Variants in KIF16B observed in about 807,000 individuals in gnomAD.
The protein encoded by KIF16B is kinesin-like protein KIF16B.
A neutral mutation model predicts 156.3 loss-of-function variants in KIF16B; 98 were observed. The ratio of observed to expected loss-of-function variants is 0.63; its 90% CI spans 0.53 to 0.74. The LOEUF (loss-of-function observed/expected upper bound fraction) is 0.74, where lower values mean the gene tolerates loss of function less well. KIF16B is among the 30% of genes least tolerant of loss of function. The pLI is 0.00. For synonymous variants in KIF16B, 564 were observed against 583.7 expected, an observed-to-expected ratio of 0.97 and a Z score of 0.49; for missense variants, 1,421 against 1,606.5, an observed-to-expected ratio of 0.88 and a Z score of 1.97.
chr20:16,394,954 C>T (rs1050483473), intron 17 of KIF16B, among the ~76,000 whole-genome samples: 2 of 151,718 alleles, frequency 1.3e-5, no homozygotes, highest in South Asian at 2.1e-4. Context: ...GTGCATTCCC[C>T]TTAGTTCATG....
At chr20:16,562,201 T>C (rs1268954629) in intron 1 of KIF16B, among the ~76,000 whole-genome samples, 1 of 152,226 alleles carries the variant, frequency 6.6e-6, no homozygotes, top group Non-Finnish European at 1.5e-5. Context: ...AAGAGTATTC[T>C]GCCCTATAAA....
intron 25 of KIF16B, among the ~76,000 whole-genome samples, chr20:16,279,256 CA>C (rs2063110076): frequency 6.6e-6 from 1 of 152,160 alleles, no homozygotes; most frequent in South Asian, 2.1e-4. Flanking sequence ...ACCTTACAGC[CA>C]AAGAGCTAAT....
At chr20:16,363,918 G>A (rs2064603229) in intron 22 of KIF16B, among the ~76,000 whole-genome samples, 5 of 152,196 alleles carry the variant, frequency 3.3e-5, no homozygotes. Context: ...ATGAGGCAGA[G>A]TTGTCTAAGC....
At chr20:16,559,002 A>G (rs2070959342) in intron 1 of KIF16B, among the ~76,000 whole-genome samples, 2 of 151,618 alleles carry the variant, frequency 1.3e-5, no homozygotes, top group Non-Finnish European at 2.9e-5. Context: ...AGATGAAAAT[A>G]TATTTATTTT....
chr20:16,406,345 T>C (rs1293949718), intron 16 of KIF16B, 29 bp downstream of exon 16: 2 of 1,597,596 alleles, frequency 1.3e-6, no homozygotes, highest in Non-Finnish European at 8.6e-7. Flanking sequence ...CGATCAGTGG[T>C]TCCCTCCTAG....
At chr20:16,340,834 C>T (rs553954263) in intron 23 of KIF16B, among the ~76,000 whole-genome samples, 113 of 152,300 alleles carry the variant, frequency 7.4e-4, no homozygotes, top group Non-Finnish European at 9.3e-4. Flanking sequence ...ATCAACTTCT[C>T]TAATGAACTG....
chr20:16,525,776 CAT>C (rs1056572552), intron 3 of KIF16B, among the ~76,000 whole-genome samples: 8 of 152,202 alleles, frequency 5.3e-5, no homozygotes, highest in South Asian at 2.1e-4. Context: ...GCAGCATACA[CAT>C]GTCTCCCCAG....
At chr20:16,364,318 C>T (rs1221144992) in intron 22 of KIF16B, among the ~76,000 whole-genome samples, 1 of 152,196 alleles carries the variant, frequency 6.6e-6, no homozygotes, top group Admixed American at 6.5e-5. Context: ...ATTCAAAGAG[C>T]TATTGTCTAG....
At chr20:16,339,919 A>T (rs1291334817) in intron 23 of KIF16B, among the ~76,000 whole-genome samples, 2 of 151,900 alleles carry the variant, frequency 1.3e-5, no homozygotes, top group Non-Finnish European at 2.9e-5. Flanking sequence ...TCCTTCCTTC[A>T]TTTTTTTCTC....
In KIF16B at chr20:16,272,260, T is replaced by A. The variant is rs2062996202; in HGVS notation, c.*993A>T. The A allele has an allele frequency of 1.3e-5, 2 of 152,656 alleles. No homozygotes were observed. Among genetic ancestry groups the A allele is most frequent in the Admixed American group, 1.3e-4 (2 of 15,290 alleles). 9.5% of individuals were successfully genotyped at this position (152,656 alleles called of 1,614,324 possible). On this transcript the variant is annotated 3_prime_UTR_variant, in exon 26 of 26. Coordinates refer to ENST00000354981, the MANE Select transcript of KIF16B (RefSeq NM_024704.5). ...AAATCTATAGATAGAATTATATACA[T>A]TTGAGTATATACCACATACATATTT...
intron 10 of KIF16B, among the ~76,000 whole-genome samples, chr20:16,501,838 C>A (rs182306320): frequency 6.6e-6 from 1 of 152,042 alleles, no homozygotes; most frequent in Admixed American, 6.6e-5. Flanking sequence ...AGGAGAGTGG[C>A]TACCCTGGAG....
chr20:16,313,241 A>G (rs944132168), intron 24 of KIF16B, among the ~76,000 whole-genome samples: 1 of 152,176 alleles, frequency 6.6e-6, no homozygotes, highest in African/African-American at 2.4e-5. Flanking sequence ...TCAGGACCAG[A>G]CAAATTGAAG....
intron 12 of KIF16B, among the ~76,000 whole-genome samples, chr20:16,447,300 T>TA (rs147514585): frequency 6.2e-4 from 91 of 146,352 alleles, no homozygotes; most frequent in East Asian, 1.4e-3. Flanking sequence ...ATTCTGATGT[T>TA]AAAAAAAAAA....
chr20:16,560,098 A>G (rs1466321734), intron 1 of KIF16B, among the ~76,000 whole-genome samples: 1 of 152,220 alleles, frequency 6.6e-6, no homozygotes, highest in African/African-American at 2.4e-5. Flanking sequence ...AAAAAAAGAA[A>G]GAAAAGCACC....
chr20:16,573,202 G>A (rs767572801), intron 1 of KIF16B, 27 bp downstream of exon 1: 1 of 1,565,690 alleles, frequency 6.4e-7, no homozygotes, highest in South Asian at 1.2e-5. Context: ...CGCGACGAGG[G>A]GGCGGGGCGC....
chr20:16,359,750 T>C (rs1050657638), intron 22 of KIF16B, among the ~76,000 whole-genome samples: 1 of 151,678 alleles, frequency 6.6e-6, no homozygotes, highest in Non-Finnish European at 1.5e-5. Context: ...GATCTTATAA[T>C]ATTACGTAGC....
intron 24 of KIF16B, among the ~76,000 whole-genome samples, chr20:16,329,177 C>T (rs1027089830): frequency 1.3e-5 from 2 of 152,122 alleles, no homozygotes; most frequent in East Asian, 3.9e-4. Context: ...GATACTAGCT[C>T]TTCACTACTC....
At position 16,403,144 on chromosome 20, in the gene KIF16B, T is replaced by A. The variant is rs2065697518; in HGVS notation, c.1784+1669A>T. 2.0e-5 allele frequency among the ~76,000 whole-genome samples: 3 copies of A among 152,330 alleles called. 1 individual carries two copies. On this transcript the variant is annotated intron_variant, in intron 17 of 25. Coordinates refer to ENST00000354981, the MANE Select transcript of KIF16B (RefSeq NM_024704.5). ...TGTGGAGGATAATAACGATAGTACCTGGATTCCAGGATTAACTAACTGGGT... is the reference window on the plus strand; with the variant it reads ...TGTGGAGGATAATAACGATAGTACCAGGATTCCAGGATTAACTAACTGGGT...
At chr20:16,410,399 T>TCCC (rs1341992746) in intron 15 of KIF16B, among the ~76,000 whole-genome samples, 2 of 151,174 alleles carry the variant, frequency 1.3e-5, no homozygotes, top group African/African-American at 4.9e-5. Flanking sequence ...AGGTTGACTA[T>TCCC]CCCTTAGCCA....
Sources: gnomAD v4.1 joint callset for allele counts (sites outside exome capture counted in the v4.1 genomes callset) on GRCh38, gnomAD v4.1.1 for gene constraint, MANE v1.5 for transcripts, NCBI Gene and HGNC (gene_info 2026-07-23, HGNC 2026-07-21) for gene names.